Variants in NAALADL2 observed in about 807,000 individuals in gnomAD.
The protein encoded by NAALADL2 is inactive N-acetylated-alpha-linked acidic dipeptidase-like protein 2.
In NAALADL2, 76 loss-of-function variants were observed where a neutral mutation model predicts 87.2. The ratio of observed to expected loss-of-function variants is 0.87; its 90% CI spans 0.72 to 1.05. The LOEUF is 1.05. Ranked by LOEUF, NAALADL2 falls within the 50% of genes least tolerant of loss-of-function variation. The probability of loss-of-function intolerance (pLI) is 0.00; values close to 1 mark genes in which losing one functional copy is unlikely to be tolerated. For synonymous variants in NAALADL2, 354 were observed against 331.0 expected, an observed-to-expected ratio of 1.07 and a Z score of -0.75; for missense variants, 1,089 against 945.8, an observed-to-expected ratio of 1.15 and a Z score of -1.99.
chr3:175,394,691 T>G (rs1305305940), intron 5 of NAALADL2, among the ~76,000 whole-genome samples: 1 of 152,182 alleles, frequency 6.6e-6, no homozygotes, highest in South Asian at 2.1e-4. Flanking sequence ...GCAGGGGATA[T>G]GCTCCAAGAC....
chr3:175,526,770 C>T (rs1397210580), intron 9 of NAALADL2, among the ~76,000 whole-genome samples: 3 of 152,082 alleles, frequency 2.0e-5, no homozygotes, highest in Non-Finnish European at 4.4e-5. Flanking sequence ...TTCCACGGGT[C>T]CACCAGCAGA....
In NAALADL2 at chr3:174,699,919, C is replaced by T. The variant is rs1301850162; in HGVS notation, c.-114-37722C>T. ...ATTACTGATCTTAGGGAAACTTATTCCCCTTTTAGGGTCCCAGGTAGTTTC... is the reference window on the plus strand; with the variant it reads ...ATTACTGATCTTAGGGAAACTTATTTCCCTTTTAGGGTCCCAGGTAGTTTC... On this transcript the variant is annotated intron_variant, in intron 2 of 3. Transcript: ENST00000434257. Among the ~76,000 whole-genome samples the T allele has an allele frequency of 4.4e-5, 6 of 137,238 alleles. No individual in the cohort carries two copies. The South Asian group carries it at 7.0e-4, about 16-fold the overall frequency. The allele number at this position is 137,238 out of a possible 152,430, so 90.0% of individuals were successfully genotyped here. A position where few individuals can be genotyped will look rare whatever the true frequency, so the allele number is the denominator to read the frequency against.
Position 175,084,189 on chromosome 3 carries a change from G to A in NAALADL2, c.44-12601G>A, listed in dbSNP as rs1718421002. Among the ~76,000 whole-genome samples the A allele has an allele frequency of 2.6e-5, 4 of 152,150 alleles. No homozygotes were observed. In the South Asian group the frequency reaches 8.3e-4, roughly 31 times the overall value. ...TGGTGGTCTGGTTATTTATTGCTGA[G>A]TAAAAAGCTACCCCCCAAATTTTGT... is the stretch of plus-strand genomic sequence containing the variant. On this transcript the variant is annotated intron_variant, in intron 1 of 13. Transcript: ENST00000454872.
At chr3:174,793,612 A>T (rs1035821510) in intron 3 of NAALADL2, among the ~76,000 whole-genome samples, 6 of 152,154 alleles carry the variant, frequency 3.9e-5, no homozygotes, top group African/African-American at 1.4e-4. Context: ...TGGCTGTGTC[A>T]TCAGAAGTAT....
intron 1 of NAALADL2, among the ~76,000 whole-genome samples, chr3:174,944,517 G>A (rs1224596634): frequency 6.6e-6 from 1 of 152,182 alleles, no homozygotes; most frequent in South Asian, 2.1e-4. Flanking sequence ...CCTGTGAGGT[G>A]CCATGGAAGT....
intron 13 of NAALADL2, among the ~76,000 whole-genome samples, chr3:175,782,167 C>A (rs549232837): frequency 6.9e-6 from 1 of 145,832 alleles, no homozygotes; most frequent in Non-Finnish European, 1.5e-5. Flanking sequence ...AATAAACATA[C>A]GTGTGCATGT....
intron 2 of NAALADL2, among the ~76,000 whole-genome samples, chr3:175,125,583 T>G (rs182049222): frequency 7.2e-5 from 11 of 152,120 alleles, no homozygotes; most frequent in African/African-American, 2.6e-4. Flanking sequence ...AGAAAATAAT[T>G]GATATAAGAA....
intron 1 of NAALADL2, among the ~76,000 whole-genome samples, chr3:174,487,056 T>C (rs1439486574): frequency 1.3e-5 from 2 of 152,004 alleles, no homozygotes; most frequent in East Asian, 1.9e-4. Flanking sequence ...AATTTCTCTC[T>C]GGTCCTGATG....
intron 4 of NAALADL2, among the ~76,000 whole-genome samples, chr3:175,314,643 T>A (rs1182222913): frequency 8.9e-6 from 1 of 112,812 alleles, no homozygotes; most frequent in East Asian, 2.5e-4. Flanking sequence ...AAAATTAGCG[T>A]TTTCTAGTAT....
intron 9 of NAALADL2, among the ~76,000 whole-genome samples, chr3:175,495,664 C>A (rs1329397750): frequency 1.3e-5 from 2 of 152,082 alleles, no homozygotes; most frequent in African/African-American, 4.8e-5. Context: ...ATCGTCATTT[C>A]CTTACCCCAG....
chr3:175,762,912 G>A (rs1446103082), intron 13 of NAALADL2, among the ~76,000 whole-genome samples: 3 of 151,836 alleles, frequency 2.0e-5, no homozygotes, highest in African/African-American at 4.8e-5. Flanking sequence ...GTGAAACCCC[G>A]TCTCTACTAA....
At chr3:175,072,246 T>A (rs913513602) in intron 1 of NAALADL2, among the ~76,000 whole-genome samples, 1 of 152,136 alleles carries the variant, frequency 6.6e-6, no homozygotes, top group Non-Finnish European at 1.5e-5. Context: ...TATCCTGCCA[T>A]AGGCAAGTGA....
intron 10 of NAALADL2, among the ~76,000 whole-genome samples, chr3:175,611,714 AT>A (rs1420975485): frequency 6.6e-6 from 1 of 152,144 alleles, no homozygotes; most frequent in African/African-American, 2.4e-5. Flanking sequence ...TTCTTTCTTT[AT>A]ATTTTAATTT....
chr3:175,732,416 G>A (rs1338323427), intron 11 of NAALADL2, among the ~76,000 whole-genome samples: 2 of 152,152 alleles, frequency 1.3e-5, no homozygotes, highest in Admixed American at 1.3e-4. Flanking sequence ...GGACCTGGGA[G>A]ACAAAATTAA....
At chr3:175,761,437 A>G (rs1464795933) in intron 13 of NAALADL2, among the ~76,000 whole-genome samples, 2 of 152,128 alleles carry the variant, frequency 1.3e-5, no homozygotes, top group Non-Finnish European at 2.9e-5. Context: ...AAGTTTTGGC[A>G]GTTGTGAATA....
intron 11 of NAALADL2, among the ~76,000 whole-genome samples, chr3:175,667,159 GAA>G (rs1268283231): frequency 8.6e-6 from 1 of 116,274 alleles, no homozygotes; most frequent in Non-Finnish European, 1.8e-5. Context: ...GAGAGAGAAA[GAA>G]AAAGAAAGAA....
chr3:175,292,952 G>T (rs1340306456), intron 4 of NAALADL2, among the ~76,000 whole-genome samples: 5 of 149,874 alleles, frequency 3.3e-5, no homozygotes, highest in Non-Finnish European at 7.4e-5. Context: ...CAGGAGAATG[G>T]CGTGAACCCG....
intron 3 of NAALADL2, among the ~76,000 whole-genome samples, chr3:174,806,281 A>T (rs997784832): frequency 6.6e-6 from 1 of 152,170 alleles, no homozygotes; most frequent in African/African-American, 2.4e-5. Flanking sequence ...CTACAGTCCC[A>T]ATTATTGCCT....
intron 9 of NAALADL2, among the ~76,000 whole-genome samples, chr3:175,568,608 TA>T (rs948364148): frequency 3.3e-5 from 5 of 152,314 alleles, no homozygotes; most frequent in African/African-American, 9.6e-5. Flanking sequence ...TTCTAATTTG[TA>T]AAGCAAAGCT....
Sources: gnomAD v4.1 joint callset for allele counts (sites outside exome capture counted in the v4.1 genomes callset) on GRCh38, gnomAD v4.1.1 for gene constraint, MANE v1.5 for transcripts, NCBI Gene and HGNC (gene_info 2026-07-23, HGNC 2026-07-21) for gene names.